The following ATP13A3 variants were observed in gnomAD, a reference collection of about 807,000 sequenced individuals.
ATP13A3 encodes polyamine-transporting ATPase 13A3.
In ATP13A3, 59 loss-of-function variants were observed where a neutral mutation model predicts 158.1. The observed-to-expected ratio is 0.37, with a 90% CI of 0.30 to 0.46. The LOEUF (loss-of-function observed/expected upper bound fraction) is 0.46, where lower values mean the gene tolerates loss of function less well. Ranked by LOEUF, ATP13A3 falls within the 20% of genes least tolerant of loss-of-function variation. The pLI is 1.00. For synonymous variants in ATP13A3, 491 were observed against 504.3 expected, an observed-to-expected ratio of 0.97 and a Z score of 0.35; for missense variants, 1,166 against 1,525.2, an observed-to-expected ratio of 0.76 and a Z score of 3.92.
At chr3:194,434,011 T>A in intron 20 of ATP13A3, 115 bp from the exon 21 acceptor site, 2 of 1,104,790 alleles carry the variant, frequency 1.8e-6, no homozygotes, top group East Asian at 2.6e-5. Context: ...TAATGCAGTT[T>A]AAAATATCTA....
At chr3:194,483,359 G>A (rs560735230) in intron 2 of ATP13A3, among the ~76,000 whole-genome samples, 1 of 149,406 alleles carries the variant, frequency 6.7e-6, no homozygotes, top group African/African-American at 2.5e-5. Context: ...GGAGGCCAAG[G>A]CAGGCAGACT....
chr3:194,477,467 T>G (rs922882196), intron 2 of ATP13A3, among the ~76,000 whole-genome samples: 1 of 152,132 alleles, frequency 6.6e-6, no homozygotes, highest in African/African-American at 2.4e-5. Flanking sequence ...CTCATCCCTA[T>G]TCCCCTTTCC....
At position 194,453,556 on chromosome 3, in the gene ATP13A3, G is replaced by A. The variant is rs76316182; in HGVS notation, c.838+150C>T. 465 of 623,554 alleles carry A rather than the reference G, an allele frequency of 7.5e-4. 2 individuals are homozygous for A. The African/African-American group carries it at 7.7e-3, about 10-fold the overall frequency. 38.6% of individuals were successfully genotyped at this position (623,554 alleles called of 1,614,324 possible). A position where few individuals can be genotyped will look rare whatever the true frequency, so the allele number is the denominator to read the frequency against. ...CAAGGCTGCAGTAAGCTGAGATTGT[G>A]CCTTTGCACTCCAGCCTAAGTGACA... On this transcript the variant is annotated intron_variant, in intron 10 of 33. Transcript: ENST00000645319.
intron 2 of ATP13A3, 90 bp from the exon 3 acceptor site, chr3:194,462,326 G>A: frequency 2.2e-6 from 2 of 898,126 alleles, no homozygotes; most frequent in Non-Finnish European, 3.4e-6. Context: ...TATTATACAA[G>A]GGGTCCCCAA....
At chr3:194,429,994 T>C in intron 26 of ATP13A3, 78 bp downstream of exon 26, 1 of 1,302,406 alleles carries the variant, frequency 7.7e-7, no homozygotes, top group Non-Finnish European at 1.1e-6. Flanking sequence ...AAATTCATGT[T>C]ACTTTTTATG....
intron 2 of ATP13A3, among the ~76,000 whole-genome samples, chr3:194,482,602 A>T (rs1720793936): frequency 1.3e-5 from 2 of 152,326 alleles, no homozygotes; most frequent in South Asian, 4.1e-4. Context: ...TCAAAATATG[A>T]TGTTCAACAA....
Position 194,433,824 on chromosome 3 carries a change from A to AG in ATP13A3, c.2192dup (p.Ala732CysfsTer4), listed in dbSNP as rs1717426079. On this transcript the variant is annotated frameshift_variant, in exon 21 of 34. Coordinates refer to ENST00000645319, the MANE Select transcript of ATP13A3 (RefSeq NM_001367549.1). LOFTEE classifies it high-confidence loss of function. The stretch of plus-strand genomic sequence containing the variant: ...CTTTATGCAAATCTTCAAGTACTGC[A>AG]GGGGTTTCTTGCTTTAATTTGTTCT... 8 of 1,614,116 alleles carry AG rather than the reference A, an allele frequency of 5.0e-6. No homozygotes were observed. Among genetic ancestry groups the AG allele is most frequent in the Non-Finnish European group, 6.8e-6 (8 of 1,179,978 alleles).
Position 194,427,082 on chromosome 3 carries a change from T to C in ATP13A3, c.3118A>G (p.Lys1040Glu). 1 of 1,611,508 alleles carries C rather than the reference T, an allele frequency of 6.2e-7. No homozygotes were observed. The highest frequency in any genetic ancestry group is 8.5e-7 in the Non-Finnish European group (1 of 1,179,432). The change falls in exon 29 of 34, where the codon AAA becomes GAA. Residue 1040 changes from lysine (K) to glutamate (E), a missense_variant. Lys to Glu is a moderately conservative substitution (Grantham distance 56). Around this residue, in one of 3 missense-constraint regions of ATP13A3, gnomAD observed 997 missense variants for 1,341.2 expected, o/e 0.74. Coordinates refer to ENST00000645319, the MANE Select transcript of ATP13A3 (RefSeq NM_001367549.1). ...ATAGATTGACCAACTTACTCTGATT[T>C]TGGATGCCACACTTCATACCAAGGT... Reference protein sequence around the residue: ...QQPWYEVWHPKSDACNTTGSG... With the variant: ...QQPWYEVWHPESDACNTTGSG...
intron 2 of ATP13A3, among the ~76,000 whole-genome samples, chr3:194,466,059 C>T (rs1719971605): frequency 6.6e-6 from 1 of 151,676 alleles, no homozygotes; most frequent in African/African-American, 2.4e-5. Context: ...GTATTCTGAA[C>T]TGAATAAAAA....
rs1383461716 is a variant in ATP13A3 at position 194,450,084 on chromosome 3, CACTA to C, written c.970+57_970+60del. 13 of 1,541,552 alleles carry C rather than the reference CACTA, an allele frequency of 8.4e-6. No individual in the cohort carries two copies. In the African/African-American group the frequency reaches 1.1e-4, roughly 13 times the overall value. ...ATAGCTAATTTTGAAAAGGCTTACT[CACTA>C]ACTTAGTCATGATATATCATGAACA... On this transcript the variant is annotated intron_variant, in intron 11 of 33. Coordinates refer to ENST00000645319, the MANE Select transcript of ATP13A3 (RefSeq NM_001367549.1).
At chr3:194,428,814 T>C (rs902191026) in intron 28 of ATP13A3, 31 bp downstream of exon 28, 17 of 1,493,304 alleles carry the variant, frequency 1.1e-5, no homozygotes, top group Non-Finnish European at 1.6e-5. Context: ...TTCATACACT[T>C]TAAAAATCAA....
intron 27 of ATP13A3, among the ~76,000 whole-genome samples, chr3:194,429,155 G>A (rs1230330098): frequency 2.0e-5 from 3 of 152,070 alleles, no homozygotes; most frequent in Non-Finnish European, 2.9e-5. Context: ...TAGGCTGGGC[G>A]CGGTGACTCA....
chr3:194,459,409 T>A (rs1719475996), intron 6 of ATP13A3, 62 bp downstream of exon 6: 1 of 1,169,056 alleles, frequency 8.6e-7, no homozygotes, highest in African/African-American at 1.5e-5. Flanking sequence ...AATGGACTCT[T>A]TTCTATCTAG....
At position 194,404,107 on chromosome 3, in the gene ATP13A3, A is replaced by G. The variant is rs1193492219; in HGVS notation, c.*1812T>C. The G allele has an allele frequency of 4.4e-6, 2 of 451,194 alleles. No individual in the cohort carries two copies. The highest frequency in any genetic ancestry group is 1.4e-4 in the East Asian group (2 of 14,374). 27.9% of individuals were successfully genotyped at this position (451,194 alleles called of 1,614,324 possible). A position where few individuals can be genotyped will look rare whatever the true frequency, so the allele number is the denominator to read the frequency against. ...TAACACGAGCATATTTGAAATTAAT[A>G]TGGAAATTATAAAATGATCCAGAGA... On this transcript the variant is annotated 3_prime_UTR_variant, in exon 34 of 34. Transcript: ENST00000645319.
intron 32 of ATP13A3, chr3:194,412,897 TAATTGA>T (rs1351918440): frequency 2.0e-5 from 3 of 152,386 alleles, no homozygotes; most frequent in African/African-American, 7.2e-5. Flanking sequence ...TTTTAGGGGG[TAATTGA>T]AATTAAGTGT....
chr3:194,468,391 A>AAAAAAAAAAAC (rs1720123787), intron 2 of ATP13A3, among the ~76,000 whole-genome samples: 3 of 149,134 alleles, frequency 2.0e-5, no homozygotes, highest in African/African-American at 7.7e-5. Context: ...GAGTTTAAAA[A>AAAAAAAAAAAC]AAAAAAAAAA....
rs552806060 is a variant in ATP13A3 at position 194,494,263 on chromosome 3, C to T, written n.533G>A. On this transcript the variant is annotated non_coding_transcript_exon_variant, in exon 2 of 33. Coordinates refer to the ATP13A3 transcript ENST00000687055. This position sits in a 1 kb window ranked among gnomAD's most constrained non-coding sequence, Gnocchi z 4.2. ...ATCCTCAGCCCCTCACAGCACACAGCGGTAGTCAGAAAGTATGCTGAGTAA... is the reference window on the plus strand; with the variant it reads ...ATCCTCAGCCCCTCACAGCACACAGTGGTAGTCAGAAAGTATGCTGAGTAA... 2.8e-5 allele frequency: 11 copies of T among 398,602 alleles called. No homozygotes were observed. The South Asian group carries it at 3.8e-4, about 14-fold the overall frequency. The allele number at this position is 398,602 out of a possible 1,614,324, so 24.7% of individuals were successfully genotyped here.
At chr3:194,437,606 C>G (rs369610127) in intron 17 of ATP13A3, 33 bp from the exon 18 acceptor site, 2 of 1,568,566 alleles carry the variant, frequency 1.3e-6, no homozygotes, top group Middle Eastern at 2.1e-4. Context: ...AAAAATAGTA[C>G]AGATTAACTC....
chr3:194,464,363 G>C (rs1229421456), intron 2 of ATP13A3, among the ~76,000 whole-genome samples: 1 of 152,160 alleles, frequency 6.6e-6, no homozygotes, highest in Non-Finnish European at 1.5e-5. Flanking sequence ...CAAGCCGTAT[G>C]ACCACACAAA....
Sources: gnomAD v4.1 joint callset for allele counts (sites outside exome capture counted in the v4.1 genomes callset) on GRCh38, gnomAD v4.1.1 for gene constraint, gnomAD v4.1.1 regional missense constraint, Gnocchi (gnomAD v3.1) non-coding constraint, MANE v1.5 for transcripts, NCBI Gene and HGNC (gene_info 2026-07-23, HGNC 2026-07-21) for gene names.